Variants in MYO1D observed in about 807,000 individuals in gnomAD.
MYO1D encodes myosin ID, also known as unconventional myosin-Id.
A neutral mutation model predicts 122.0 loss-of-function variants in MYO1D; 83 were observed. The ratio of observed to expected loss-of-function variants is 0.68; its 90% confidence interval spans 0.57 to 0.82. The LOEUF (loss-of-function observed/expected upper bound fraction) is 0.82, where lower values mean the gene tolerates loss of function less well. Among genes scored for constraint, MYO1D ranks in the 40% least tolerant of loss-of-function variants. The probability of loss-of-function intolerance (pLI) is 0.00; values close to 1 mark genes in which losing one functional copy is unlikely to be tolerated. For missense variants in MYO1D, 1,157 were observed against 1,269.5 expected, an observed-to-expected ratio of 0.91 and a Z score of 1.35; for synonymous variants, 464 against 446.9, an observed-to-expected ratio of 1.04 and a Z score of -0.48.
chr17:32,801,695 AC>A (rs2090462635), intron 1 of MYO1D, among the ~76,000 whole-genome samples: 2 of 152,206 alleles, frequency 1.3e-5, no homozygotes, highest in Admixed American at 1.3e-4. Context: ...AGATGTAGAC[AC>A]ATGTATGTGT....
At position 32,842,328 on chromosome 17, in the gene MYO1D, G is replaced by A. The variant is rs538807548; in HGVS notation, c.95+34450C>T. 8.5e-5 allele frequency among the ~76,000 whole-genome samples: 13 copies of A among 152,138 alleles called. 1 individual carries two copies. The highest frequency in any genetic ancestry group is 4.1e-4 in the South Asian group (2 of 4,820). On this transcript the variant is annotated intron_variant, in intron 1 of 21. Transcript: ENST00000318217. Reference sequence around the variant, plus strand: ...ACCAAGAACACAGGGGATGTGAAGCGTAAGTTACTGCAAGGTTTCCGAGAC... The same window carrying A: ...ACCAAGAACACAGGGGATGTGAAGCATAAGTTACTGCAAGGTTTCCGAGAC...
chr17:32,694,707 CAAAAAAAAAAAAA>C (rs58606294), intron 16 of MYO1D, among the ~76,000 whole-genome samples: 29 of 55,920 alleles, frequency 5.2e-4, no homozygotes, highest in Admixed American at 2.0e-3. Context: ...GACTCCGTCT[CAAAAAAAAAAAAA>C]AAAAAAAAAA....
In MYO1D at chr17:32,780,572, T is replaced by C. The variant is rs1325994573; in HGVS notation, c.304+4A>G. 2.5e-6 allele frequency: 4 copies of C among 1,613,302 alleles called. No individual in the cohort carries two copies. Among genetic ancestry groups the C allele is most frequent in the East Asian group, 2.2e-5 (1 of 44,874 alleles). ...TGGAAATACAGGGGATCCCCTCCAATTACCTGATATCACAATACAAGTGTC... is the reference window on the plus strand; with the variant it reads ...TGGAAATACAGGGGATCCCCTCCAACTACCTGATATCACAATACAAGTGTC... On this transcript the variant is annotated splice_donor_region_variant and intron_variant, in intron 2 of 21. Coordinates refer to ENST00000318217, the MANE Select transcript of MYO1D (RefSeq NM_015194.3).
At chr17:32,626,826 C>T (rs321158) in intron 20 of MYO1D, among the ~76,000 whole-genome samples, 23,558 of 152,036 alleles carry the variant, frequency 0.15, 2,125 homozygotes, top group South Asian at 0.33. Context: ...GTGGCTTAGT[C>T]GTCACATTTC....
In MYO1D at chr17:32,622,243, C is replaced by A. The variant is rs77099068; in HGVS notation, c.2709+16479G>T. On this transcript the variant is annotated intron_variant, in intron 20 of 21. Coordinates refer to ENST00000318217, the MANE Select transcript of MYO1D (RefSeq NM_015194.3). Reference sequence around the variant, plus strand: ...AAACAGGTCTTGAACCCATCTCCCCCTCTTTATGGTCCTTGCTTGAGTACA... The same window carrying A: ...AAACAGGTCTTGAACCCATCTCCCCATCTTTATGGTCCTTGCTTGAGTACA... 1.2e-3 allele frequency among the ~76,000 whole-genome samples: 178 copies of A among 152,250 alleles called. 1 individual carries two copies. Among genetic ancestry groups the A allele is most frequent in the South Asian group, 3.9e-3 (19 of 4,828 alleles).
At chr17:32,562,297 A>G (rs2087133217) in intron 21 of MYO1D, among the ~76,000 whole-genome samples, 1 of 152,110 alleles carries the variant, frequency 6.6e-6, no homozygotes, top group South Asian at 2.1e-4. Flanking sequence ...AACTTATTTT[A>G]TCATAAGCAC....
chr17:32,873,136 T>C (rs2091197601), intron 1 of MYO1D, among the ~76,000 whole-genome samples: 1 of 152,078 alleles, frequency 6.6e-6, no homozygotes. Context: ...AAAAGGACAA[T>C]GCCACATAAG....
intron 21 of MYO1D, among the ~76,000 whole-genome samples, chr17:32,501,696 C>T (rs1020021884): frequency 2.6e-5 from 4 of 152,220 alleles, no homozygotes; most frequent in South Asian, 2.1e-4. Context: ...CGAGGACAGA[C>T]GAGCCTCTGC....
chr17:32,852,316 G>A (rs984283312), intron 1 of MYO1D, among the ~76,000 whole-genome samples: 6 of 151,982 alleles, frequency 3.9e-5, no homozygotes, highest in African/African-American at 1.5e-4. Context: ...TGGTAGAGAC[G>A]GGGTTTCACC....
At chr17:32,821,383 AAAAT>A (rs1248064598) in intron 1 of MYO1D, among the ~76,000 whole-genome samples, 6 of 152,202 alleles carry the variant, frequency 3.9e-5, no homozygotes, top group African/African-American at 9.6e-5. Flanking sequence ...TCAACAAACT[AAAAT>A]AAAGAAATGA....
intron 1 of MYO1D, among the ~76,000 whole-genome samples, chr17:32,864,988 G>T (rs979590458): frequency 1.2e-4 from 19 of 152,096 alleles, no homozygotes; most frequent in African/African-American, 3.6e-4. Context: ...GACATTTTTT[G>T]AATTGTTTAT....
chr17:32,680,184 TA>T (rs1355336924), intron 16 of MYO1D, among the ~76,000 whole-genome samples: 1 of 20,424 alleles, frequency 4.9e-5, no homozygotes, highest in Non-Finnish European at 1.0e-4. Context: ...GTTTTCTAGA[TA>T]AACAATCATG....
At chr17:32,631,383 G>GT (rs2088004105) in intron 20 of MYO1D, among the ~76,000 whole-genome samples, 1 of 152,216 alleles carries the variant, frequency 6.6e-6, no homozygotes, top group Non-Finnish European at 1.5e-5. Flanking sequence ...GCTCATGCCT[G>GT]TAATTCCAGC....
At position 32,726,000 on chromosome 17, in the gene MYO1D, A is replaced by G. The variant is rs60565223; in HGVS notation, c.1747-4811T>C. Among the ~76,000 whole-genome samples the G allele has an allele frequency of 3.1e-4, 47 of 152,372 alleles. 1 individual carries two copies. In the East Asian group the frequency reaches 7.9e-3, roughly 26 times the overall value. ...GTAGAATTTTACACTGAGCAAAAATATTCTTCAAGAATGAAAACAGTATAG... is the reference window on the plus strand; with the variant it reads ...GTAGAATTTTACACTGAGCAAAAATGTTCTTCAAGAATGAAAACAGTATAG... On this transcript the variant is annotated intron_variant, in intron 14 of 21. Coordinates refer to ENST00000318217, the MANE Select transcript of MYO1D (RefSeq NM_015194.3).
At chr17:32,551,889 GCTAT>G (rs1256958713) in intron 21 of MYO1D, among the ~76,000 whole-genome samples, 5 of 152,092 alleles carry the variant, frequency 3.3e-5, no homozygotes, top group South Asian at 2.1e-4. Context: ...TCCTCCAGTG[GCTAT>G]CTGCTTTGTC....
intron 1 of MYO1D, among the ~76,000 whole-genome samples, chr17:32,864,926 T>C (rs1431719730): frequency 6.6e-6 from 1 of 152,078 alleles, no homozygotes; most frequent in Non-Finnish European, 1.5e-5. Context: ...ATAGGAAAGG[T>C]TGAATGCAAT....
At chr17:32,510,427 G>T (rs1269269079) in intron 21 of MYO1D, 1 of 152,232 alleles carries the variant, frequency 6.6e-6, no homozygotes. Context: ...CTTGGCCTTT[G>T]TCTGGCCAGA....
intron 21 of MYO1D, among the ~76,000 whole-genome samples, chr17:32,519,544 C>G (rs1007247577): frequency 6.6e-6 from 1 of 151,860 alleles, no homozygotes; most frequent in Non-Finnish European, 1.5e-5. Context: ...CCCCAGCGCC[C>G]GCGGCTGAAA....
chr17:32,657,806 G>T (rs2088497565), intron 17 of MYO1D, among the ~76,000 whole-genome samples: 1 of 152,168 alleles, frequency 6.6e-6, no homozygotes, highest in Non-Finnish European at 1.5e-5. Context: ...TAGACCACAA[G>T]TAAAACCTCA....
Sources: gnomAD v4.1 joint callset for allele counts (sites outside exome capture counted in the v4.1 genomes callset) on GRCh38, gnomAD v4.1.1 for gene constraint, MANE v1.5 for transcripts, NCBI Gene and HGNC (gene_info 2026-07-23, HGNC 2026-07-21) for gene names.